The following FBN1 variants were observed in gnomAD, a reference collection of about 807,000 sequenced individuals.
FBN1 encodes the protein fibrillin-1.
Under a neutral mutation model 365.1 loss-of-function variants are expected in FBN1, and 29 were observed. That is an observed-to-expected ratio of 0.08 (90% CI 0.06 to 0.11). The LOEUF (loss-of-function observed/expected upper bound fraction) is 0.11. Among genes scored for constraint, FBN1 ranks in the 10% least tolerant of loss-of-function variants. The pLI, the probability that FBN1 is intolerant of heterozygous loss-of-function variation, is 1.00. For synonymous variants in FBN1, 1,210 were observed against 1,270.5 expected, an observed-to-expected ratio of 0.95 and a Z score of 1.01; for missense variants, 2,476 against 3,703.2, an observed-to-expected ratio of 0.67 and a Z score of 8.60.
At chr15:48,556,683 T>C (rs1214785669) in intron 6 of FBN1, among the ~76,000 whole-genome samples, 1 of 152,216 alleles carries the variant, frequency 6.6e-6, no homozygotes, top group Non-Finnish European at 1.5e-5. Flanking sequence ...GAATTCAGGC[T>C]GTGGACACAG....
intron 6 of FBN1, among the ~76,000 whole-genome samples, chr15:48,555,424 C>T (rs973539014): frequency 2.0e-5 from 3 of 152,192 alleles, no homozygotes; most frequent in African/African-American, 7.2e-5. Context: ...TCGCCCTTGA[C>T]CCTGCCTTTA....
chr15:48,633,748 TTTGG>T (rs1890036786), intron 2 of FBN1, among the ~76,000 whole-genome samples: 1 of 151,964 alleles, frequency 6.6e-6, no homozygotes, highest in Non-Finnish European at 1.5e-5. Context: ...ATTGATAAGG[TTTGG>T]TTATTTCAAG....
At chr15:48,476,697 GC>G (rs1163175087) in intron 32 of FBN1, 1 of 140,252 alleles carries the variant, frequency 7.1e-6, no homozygotes, top group Non-Finnish European at 1.5e-5. Context: ...AGCAACCTCC[GC>G]CACCTGGGTT....
At chr15:48,565,952 T>G (rs758539458) in intron 6 of FBN1, among the ~76,000 whole-genome samples, 17 of 152,202 alleles carry the variant, frequency 1.1e-4, no homozygotes, top group Non-Finnish European at 2.2e-4. Flanking sequence ...TTTTAAATCT[T>G]TTGGAAGAAT....
rs139788702 is a variant in FBN1, at chr15:48,613,078, C to G, written c.179G>C (p.Gly60Ala). 1 of 1,612,958 alleles carries G rather than the reference C, an allele frequency of 6.2e-7. No individual in the cohort carries two copies. The highest frequency in any genetic ancestry group is 1.7e-5 in the Admixed American group (1 of 60,004). Residue 60 changes from glycine to alanine, a missense_variant, in exon 3 of 66, where the codon GGA (glycine) becomes GCA (alanine). This residue lies in a region of FBN1 where 76 missense variants were observed against 85.4 expected (regional missense o/e 0.89). Transcript: ENST00000316623. Reference protein sequence around the residue: ...HDALKGPNVCGSRYNAYCCPG... With the variant: ...HDALKGPNVCASRYNAYCCPG... ...GCAACAGTAAGCATTATAACGTGAT[C>G]CACAGACATTGGGTCTAAAACAAAA... is the stretch of plus-strand genomic sequence containing the variant.
chr15:48,554,169 G>A (rs2141376574), intron 6 of FBN1, among the ~76,000 whole-genome samples: 1 of 152,306 alleles, frequency 6.6e-6, no homozygotes, highest in Middle Eastern at 3.4e-3. Flanking sequence ...TCAAAACACA[G>A]AGCGGCAAAG....
intron 63 of FBN1, among the ~76,000 whole-genome samples, chr15:48,416,358 T>G (rs1251717976): frequency 6.6e-6 from 1 of 152,192 alleles, no homozygotes; most frequent in Non-Finnish European, 1.5e-5. Context: ...TTGGACTTCC[T>G]TTTCAAAATT....
At chr15:48,558,926 C>T (rs1198868106) in intron 6 of FBN1, among the ~76,000 whole-genome samples, 1 of 152,208 alleles carries the variant, frequency 6.6e-6, no homozygotes, top group Admixed American at 6.5e-5. Context: ...AGAAATCCCA[C>T]TTACCTGATT....
rs1478306545 is a variant in FBN1 at position 48,495,190 on chromosome 15, G to A, written c.2610C>T (p.Thr870=). The change falls in exon 22 of 66, where the codon ACC becomes ACT. Residue 870 remains threonine (T), a synonymous_variant. Transcript: ENST00000316623. ...GRCEININGA[T]LKSQCCSSLG... is the part of the protein sequence containing the mutation. ...GGGAGGAGCAGCACTGGGACTTTAA[G>A]GTGGCTCCATTGATGTTGATCTCAC... 3 of 1,614,184 alleles carry A rather than the reference G, an allele frequency of 1.9e-6. No homozygotes were observed. The Admixed American group carries it at 5.0e-5, about 27-fold the overall frequency.
intron 2 of FBN1, chr15:48,643,365 A>T (rs980271878): frequency 1.3e-5 from 2 of 152,224 alleles, no homozygotes; most frequent in African/African-American, 4.8e-5. Flanking sequence ...AACCGAATTA[A>T]TCATAACTAT....
intron 6 of FBN1, among the ~76,000 whole-genome samples, chr15:48,564,064 A>G (rs951060426): frequency 2.0e-5 from 3 of 152,074 alleles, no homozygotes; most frequent in African/African-American, 7.2e-5. Context: ...ATCCTTTTAT[A>G]TACTATATTG....
intron 13 of FBN1, among the ~76,000 whole-genome samples, chr15:48,512,587 G>C (rs2043769348): frequency 6.6e-6 from 1 of 152,090 alleles, no homozygotes; most frequent in Non-Finnish European, 1.5e-5. Flanking sequence ...TTGGTTTTCT[G>C]TTCCTATGTT....
intron 27 of FBN1, 59 bp from the exon 28 acceptor site, chr15:48,487,496 GCACTCCTCCCCCACCCATTGCTGGGT>G: frequency 6.2e-7 from 1 of 1,605,450 alleles, no homozygotes; most frequent in Non-Finnish European, 8.5e-7. Flanking sequence ...ACCAGACCAA[GCACTCCTCCCCCACCCATTGCTGGGT>G]GTCCATCTTG....
At chr15:48,525,143 G>C (rs1178614267) in intron 9 of FBN1, among the ~76,000 whole-genome samples, 1 of 151,298 alleles carries the variant, frequency 6.6e-6, no homozygotes, top group African/African-American at 2.4e-5. Context: ...CTGGAGTGCA[G>C]TGGCGTGATC....
intron 15 of FBN1, 69 bp downstream of exon 15, chr15:48,508,513 T>G: frequency 6.2e-7 from 1 of 1,602,618 alleles, no homozygotes; most frequent in Non-Finnish European, 8.5e-7. Context: ...AGAAAGGTAG[T>G]ACCTCTAAAC....
chr15:48,411,049 A>G lies in FBN1; in HGVS notation c.8557T>C (p.Tyr2853His). The part of the protein sequence containing the change: ...NQLEDKYDKD[Y>H]LSGELGDNLK... ...TTATCACCCAGTTCACCACTGAGGTAGTCTTTGTCATATTTGTCTTCTAGT... is the reference window on the plus strand; with the variant it reads ...TTATCACCCAGTTCACCACTGAGGTGGTCTTTGTCATATTTGTCTTCTAGT... Residue 2853 changes from tyrosine to histidine, a missense_variant, in exon 66 of 66, where the codon TAC (tyrosine) becomes CAC (histidine). Around this residue, in one of 5 missense-constraint regions of FBN1, gnomAD observed 177 missense variants for 192.7 expected, o/e 0.92. Coordinates refer to ENST00000316623, the MANE Select transcript of FBN1 (RefSeq NM_000138.5). The G allele has an allele frequency of 6.2e-7, 1 of 1,613,896 alleles. No homozygotes were observed. The highest frequency in any genetic ancestry group is 8.5e-7 in the Non-Finnish European group (1 of 1,179,920).
intron 3 of FBN1, among the ~76,000 whole-genome samples, chr15:48,611,167 T>C (rs143315480): frequency 4.9e-4 from 74 of 152,292 alleles, no homozygotes; most frequent in Non-Finnish European, 7.9e-4. Context: ...ATTTATATGA[T>C]CACAAGAAAT....
chr15:48,519,998 C>T (rs931098584), intron 10 of FBN1, among the ~76,000 whole-genome samples: 6 of 152,072 alleles, frequency 3.9e-5, no homozygotes, highest in African/African-American at 1.4e-4. Flanking sequence ...AAATTGTATG[C>T]ATTCATTGTG....
At chr15:48,437,460 G>T in intron 51 of FBN1, 73 bp from the exon 52 acceptor site, 2 of 1,281,818 alleles carry the variant, frequency 1.6e-6, no homozygotes, top group Non-Finnish European at 1.1e-6. Context: ...GTATTTTGAG[G>T]TAGAAAATTG....
Sources: gnomAD v4.1 joint callset for allele counts (sites outside exome capture counted in the v4.1 genomes callset) on GRCh38, gnomAD v4.1.1 for gene constraint, gnomAD v4.1.1 regional missense constraint, MANE v1.5 for transcripts, NCBI Gene and HGNC (gene_info 2026-07-23, HGNC 2026-07-21) for gene names.